STK32B: variants seen among roughly 807,000 people sequenced by gnomAD.
STK32B encodes the protein serine/threonine-protein kinase 32B.
A neutral mutation model predicts 52.6 loss-of-function variants in STK32B; 43 were observed. The ratio of observed to expected loss-of-function variants is 0.82; its 90% confidence interval spans 0.64 to 1.05. The LOEUF is 1.05. Among genes scored for constraint, STK32B ranks in the 50% least tolerant of loss-of-function variants. The pLI is 0.00. For missense variants in STK32B, 621 were observed against 534.6 expected (o/e 1.16, Z -1.59); for synonymous variants, 238 against 204.3 (o/e 1.17, Z -1.41).
intron 3 of STK32B, among the ~76,000 whole-genome samples, chr4:5,262,033 A>G (rs541561644): frequency 1.3e-5 from 2 of 152,210 alleles, no homozygotes; most frequent in Admixed American, 1.3e-4. Context: ...GCTCCATTTC[A>G]TTGCCTCTAA....
At chr4:5,387,045 A>T (rs536551287) in intron 4 of STK32B, among the ~76,000 whole-genome samples, 15 of 152,334 alleles carry the variant, frequency 9.8e-5, no homozygotes, top group African/African-American at 3.1e-4. Context: ...GGCAAGATGC[A>T]CACTGCTGAA....
intron 5 of STK32B, among the ~76,000 whole-genome samples, chr4:5,411,462 T>C (rs532139140): frequency 6.6e-6 from 1 of 152,176 alleles, no homozygotes; most frequent in Non-Finnish European, 1.5e-5. Flanking sequence ...TAAAAAATAA[T>C]ACAAATACAA....
chr4:5,180,359 T>G (rs1219651237), intron 3 of STK32B, among the ~76,000 whole-genome samples: 1 of 152,234 alleles, frequency 6.6e-6, no homozygotes, highest in Non-Finnish European at 1.5e-5. Context: ...TCCCAACAGC[T>G]ATTTTCATTT....
intron 3 of STK32B, among the ~76,000 whole-genome samples, chr4:5,181,108 G>A (rs528894584): frequency 3.4e-4 from 52 of 152,258 alleles, no homozygotes; most frequent in African/African-American, 1.2e-3. Context: ...TGACCTCCCA[G>A]GTTCTCATCC....
At chr4:5,440,369 G>T (rs1207255520) in intron 6 of STK32B, among the ~76,000 whole-genome samples, 1 of 152,122 alleles carries the variant, frequency 6.6e-6, no homozygotes, top group East Asian at 1.9e-4. Context: ...TGAAGCAATT[G>T]TGAATGGGAG....
At chr4:5,025,074 TC>T in the STK32B span, among the ~76,000 whole-genome samples, 2 of 152,160 alleles carry the variant, frequency 1.3e-5, no homozygotes, top group African/African-American at 4.8e-5. Flanking sequence ...GGCCAGGTCC[TC>T]CCCAGGCGCC....
chr4:5,242,859 C>G lies in STK32B; in HGVS notation c.260+74409C>G, dbSNP rs998719528. Among the ~76,000 whole-genome samples, 8 of 152,226 alleles carry G rather than the reference C, an allele frequency of 5.3e-5. No individual in the cohort carries two copies. The East Asian group carries it at 5.8e-4, about 11-fold the overall frequency. On this transcript the variant is annotated intron_variant, in intron 3 of 11. Coordinates refer to ENST00000282908, the MANE Select transcript of STK32B (RefSeq NM_018401.3). ...AATCCTTTCCCCATTGCTTGTTTTT[C>G]TCAGGTTTGTCAAAGATCAGATGGT...
At chr4:5,206,952 A>G (rs943367271) in intron 3 of STK32B, among the ~76,000 whole-genome samples, 9 of 152,178 alleles carry the variant, frequency 5.9e-5, no homozygotes, top group South Asian at 2.1e-4. Context: ...TCTTGACCCA[A>G]TTGTTTCTGA....
At chr4:5,155,135 TC>T (rs1271272085) in intron 2 of STK32B, among the ~76,000 whole-genome samples, 5 of 152,108 alleles carry the variant, frequency 3.3e-5, no homozygotes, top group African/African-American at 9.7e-5. Flanking sequence ...CAGTCACCTT[TC>T]CCCCAGGTGT....
intron 6 of STK32B, chr4:5,438,225 C>A: frequency 1.2e-6 from 1 of 806,744 alleles, no homozygotes; most frequent in Non-Finnish European, 1.5e-6. Context: ...GGCACACACT[C>A]TGGTGCAGGG....
chr4:5,080,565 TA>T (rs1419502621), intron 1 of STK32B, among the ~76,000 whole-genome samples: 3 of 152,308 alleles, frequency 2.0e-5, no homozygotes, highest in Admixed American at 2.0e-4. Context: ...CTAGCTAATA[TA>T]TGCTTTTCTT....
intron 3 of STK32B, among the ~76,000 whole-genome samples, chr4:5,316,083 ATG>A (rs1730663015): frequency 7.6e-6 from 1 of 131,152 alleles, no homozygotes; most frequent in South Asian, 2.2e-4. Flanking sequence ...GAGAATATAT[ATG>A]TGTCTGTTAT....
chr4:5,409,227 A>G (rs1737866304), intron 5 of STK32B, among the ~76,000 whole-genome samples: 1 of 152,076 alleles, frequency 6.6e-6, no homozygotes, highest in African/African-American at 2.4e-5. Flanking sequence ...TAGAAAATGC[A>G]TTTTCCCCCT....
chr4:5,154,216 T>C (rs906815211), intron 2 of STK32B, among the ~76,000 whole-genome samples: 8 of 148,830 alleles, frequency 5.4e-5, no homozygotes, highest in Non-Finnish European at 9.0e-5. Flanking sequence ...CATGTCTTTT[T>C]TTTTTTTTTT....
At chr4:5,258,510 G>A (rs1043205949) in intron 3 of STK32B, among the ~76,000 whole-genome samples, 2 of 152,138 alleles carry the variant, frequency 1.3e-5, no homozygotes, top group African/African-American at 4.8e-5. Context: ...CGTGCATAAA[G>A]CTAAGCTCTT....
intron 3 of STK32B, among the ~76,000 whole-genome samples, chr4:5,210,709 T>G (rs183492314): frequency 6.6e-6 from 1 of 152,298 alleles, no homozygotes; most frequent in African/African-American, 2.4e-5. Flanking sequence ...TAATCTATTT[T>G]AAAATCTATT....
chr4:5,109,949 A>G (rs924356881), intron 1 of STK32B, among the ~76,000 whole-genome samples: 10 of 152,146 alleles, frequency 6.6e-5, no homozygotes, highest in Non-Finnish European at 1.2e-4. Context: ...TATGAAAATC[A>G]GTAGCCCATT....
chr4:5,333,918 C>A (rs1466175401), intron 4 of STK32B, among the ~76,000 whole-genome samples: 1 of 152,174 alleles, frequency 6.6e-6, no homozygotes, highest in African/African-American at 2.4e-5. Context: ...ATGATGCCTC[C>A]AGCTTTGTTC....
intron 1 of STK32B, among the ~76,000 whole-genome samples, chr4:5,120,758 G>C (rs1714980635): frequency 6.6e-6 from 1 of 151,972 alleles, no homozygotes; most frequent in Admixed American, 6.6e-5. Context: ...AAAGGTATCT[G>C]ATGCCAAGCT....
Sources: gnomAD v4.1 joint callset for allele counts (sites outside exome capture counted in the v4.1 genomes callset) on GRCh38, gnomAD v4.1.1 for gene constraint, MANE v1.5 for transcripts, NCBI Gene and HGNC (gene_info 2026-07-23, HGNC 2026-07-21) for gene names.